SLC38A4: variants seen among roughly 807,000 people sequenced by gnomAD.
SLC38A4 encodes the protein solute carrier family 38 member 4.
In SLC38A4, 20 loss-of-function variants were observed where a neutral mutation model predicts 63.1. That is an observed-to-expected ratio of 0.32 (90% CI 0.22 to 0.46). The LOEUF (loss-of-function observed/expected upper bound fraction) is 0.46. Among genes scored for constraint, SLC38A4 ranks in the 20% least tolerant of loss-of-function variants. The pLI, the probability that SLC38A4 is intolerant of heterozygous loss-of-function variation, is 1.00. For missense variants in SLC38A4, 526 were observed against 663.6 expected, an observed-to-expected ratio of 0.79 and a Z score of 2.28; for synonymous variants, 230 against 225.5, an observed-to-expected ratio of 1.02 and a Z score of -0.18.
rs1028083482 is a variant in SLC38A4 at position 46,812,280 on chromosome 12, G to A, written c.-304-8486C>T. Among the ~76,000 whole-genome samples the A allele has an allele frequency of 2.6e-5, 4 of 152,116 alleles. No homozygotes were observed. The South Asian group carries it at 6.2e-4, about 24-fold the overall frequency. On this transcript the variant is annotated intron_variant, in intron 1 of 16. Coordinates refer to ENST00000266579, the MANE Select transcript of SLC38A4 (RefSeq NM_018018.5). ...TTTCTTTCTCTTTAAATTAAAGGCT[G>A]ATGGCATTTCCTTTGATGTTTGCTT...
rs577373428 is a variant in SLC38A4 at position 46,818,073 on chromosome 12, A to G, written c.-305+7830T>C. ...TTGTAAAAGTTTGCTTTTGACTTTC[A>G]TCTTGGGAAAATAAGACCTGCATGT... is the stretch of plus-strand genomic sequence containing the variant. On this transcript the variant is annotated intron_variant, in intron 1 of 16. Transcript: ENST00000266579. 1.4e-4 allele frequency among the ~76,000 whole-genome samples: 22 copies of G among 152,036 alleles called. No homozygotes were observed. The South Asian group carries it at 4.3e-3, about 30-fold the overall frequency.
chr12:46,774,540 T>C (rs944069109), intron 14 of SLC38A4, among the ~76,000 whole-genome samples: 3 of 152,078 alleles, frequency 2.0e-5, no homozygotes, highest in Admixed American at 1.3e-4. Flanking sequence ...TAACTGTTTT[T>C]TGAAAAATTT....
intron 1 of SLC38A4, among the ~76,000 whole-genome samples, chr12:46,810,781 C>T (rs1457627651): frequency 6.6e-6 from 1 of 151,866 alleles, no homozygotes; most frequent in African/African-American, 2.4e-5. Flanking sequence ...CAAAGAGTTC[C>T]TATCTTAGGT....
intron 1 of SLC38A4, among the ~76,000 whole-genome samples, chr12:46,809,893 T>A (rs1030936880): frequency 6.6e-6 from 1 of 152,034 alleles, no homozygotes; most frequent in Non-Finnish European, 1.5e-5. Context: ...TTACCTTGAT[T>A]AATATTAGAC....
At chr12:46,830,500 A>G (rs1443306717), upstream of SLC38A4, among the ~76,000 whole-genome samples, 2 of 152,136 alleles carry the variant, frequency 1.3e-5, no homozygotes, top group African/African-American at 4.8e-5. Context: ...AACATAACAC[A>G]TTTTAGCCCT....
chr12:46,827,614 A>G (rs1452493676), upstream of SLC38A4, among the ~76,000 whole-genome samples: 1 of 152,206 alleles, frequency 6.6e-6, no homozygotes, highest in Admixed American at 6.5e-5. Flanking sequence ...CTAAAATGAA[A>G]AATATAGCCA....
intron 1 of SLC38A4, among the ~76,000 whole-genome samples, chr12:46,814,523 C>A (rs924883248): frequency 6.6e-6 from 1 of 151,800 alleles, no homozygotes; most frequent in Non-Finnish European, 1.5e-5. Context: ...AACATGAAGA[C>A]CCAAAGATGT....
At chr12:46,803,962 G>T (rs1939181461) in intron 1 of SLC38A4, among the ~76,000 whole-genome samples, 168 bp from the exon 2 acceptor site, 1 of 152,010 alleles carries the variant, frequency 6.6e-6, no homozygotes, top group Non-Finnish European at 1.5e-5. Context: ...GATTTTACTA[G>T]GTTGGTTGAC....
chr12:46,766,727 C>T lies in SLC38A4; in HGVS notation c.1618G>A (p.Asp540Asn). ...MALIIIDWIY[D>N]PPNSKHH ...TAGTGATGCTTGGAATTTGGAGGAT[C>T]ATAAATCCAGTCAATTATAATGAGT... The change falls in exon 17 of 17, where the codon GAT (aspartate) becomes AAT (asparagine). Residue 540 changes from aspartate to asparagine, a missense_variant. Transcript: ENST00000266579. The T allele has an allele frequency of 1.2e-6, 2 of 1,611,360 alleles. No individual in the cohort carries two copies. The highest frequency in any genetic ancestry group is 1.7e-6 in the Non-Finnish European group (2 of 1,178,280).
chr12:46,779,184 C>A (rs1261741573), intron 10 of SLC38A4, among the ~76,000 whole-genome samples: 3 of 151,834 alleles, frequency 2.0e-5, no homozygotes, highest in African/African-American at 7.3e-5. Context: ...TTGTCAGGGG[C>A]CTAGAGAGGA....
At chr12:46,773,523 T>A (rs983395124) in intron 14 of SLC38A4, among the ~76,000 whole-genome samples, 1 of 152,136 alleles carries the variant, frequency 6.6e-6, no homozygotes, top group Non-Finnish European at 1.5e-5. Context: ...CAATTTTGGT[T>A]CTAATGGCAT....
intron 7 of SLC38A4, among the ~76,000 whole-genome samples, chr12:46,780,303 C>A (rs1938613227): frequency 6.6e-6 from 1 of 151,950 alleles, no homozygotes; most frequent in Non-Finnish European, 1.5e-5. Flanking sequence ...TAAGGTTCTG[C>A]CCTCATTAGT....
chr12:46,785,156 T>A lies in SLC38A4; in HGVS notation c.348A>T (p.Ala116=), dbSNP rs143272002. 1.2e-6 allele frequency: 2 copies of A among 1,612,756 alleles called. No individual in the cohort carries two copies. Among genetic ancestry groups the A allele is most frequent in the Non-Finnish European group, 1.7e-6 (2 of 1,179,126 alleles). The change falls in exon 6 of 17, where the codon GCA becomes GCT. Residue 116 remains alanine, a synonymous_variant. Transcript: ENST00000266579. Reference sequence around the variant, plus strand: ...GGTGAACTGAATACAGTGATAATATTGCCACAGCAAGCAGCATGATTCTGC... The same window carrying A: ...GGTGAACTGAATACAGTGATAATATAGCCACAGCAAGCAGCATGATTCTGC... ...ILFIIMLLAV[A]ILSLYSVHLL...
chr12:46,815,512 A>G (rs541623094), intron 1 of SLC38A4, among the ~76,000 whole-genome samples: 1 of 151,776 alleles, frequency 6.6e-6, no homozygotes, highest in East Asian at 1.9e-4. Context: ...CTTCAATGAG[A>G]TAATTTACAA....
chr12:46,785,037 G>A, intron 6 of SLC38A4, 67 bp downstream of exon 6: 1 of 1,244,034 alleles, frequency 8.0e-7, no homozygotes, highest in Non-Finnish European at 1.2e-6. Flanking sequence ...AGGTTATGAA[G>A]CAACAGACTG....
chr12:46,787,838 A>G, intron 5 of SLC38A4, 78 bp downstream of exon 5: 1 of 1,033,454 alleles, frequency 9.7e-7, no homozygotes, highest in Non-Finnish European at 1.4e-6. Flanking sequence ...CAAAGATCAA[A>G]CTTGAGATTG....
At chr12:46,808,159 T>G (rs1418719487) in intron 1 of SLC38A4, among the ~76,000 whole-genome samples, 1 of 151,974 alleles carries the variant, frequency 6.6e-6, no homozygotes, top group African/African-American at 2.4e-5. Flanking sequence ...TTAGGATCAT[T>G]TGATGATACC....
At position 46,783,097 on chromosome 12, in the gene SLC38A4, A is replaced by C. The variant is rs528302108; in HGVS notation, c.493+1445T>G. Among the ~76,000 whole-genome samples, 16 of 143,064 alleles carry C rather than the reference A, an allele frequency of 1.1e-4. No homozygotes were observed. The South Asian group carries it at 3.1e-3, about 28-fold the overall frequency. 93.9% of individuals were successfully genotyped at this position (143,064 alleles called of 152,430 possible). A position where few individuals can be genotyped will look rare whatever the true frequency, so the allele number is the denominator to read the frequency against. ...ACTTTGAGAGACAGTCAAGGGGAGA[A>C]AGTAGCCTGTGAAAAGAAGGCATGG... On this transcript the variant is annotated intron_variant, in intron 7 of 16. Transcript: ENST00000266579.
At chr12:46,784,773 C>T in intron 6 of SLC38A4, 139 bp from the exon 7 acceptor site, 1 of 648,698 alleles carries the variant, frequency 1.5e-6, no homozygotes, top group South Asian at 2.2e-5. Flanking sequence ...GATGCAACCT[C>T]AAAAACCAAT....
Sources: gnomAD v4.1 joint callset for allele counts (sites outside exome capture counted in the v4.1 genomes callset) on GRCh38, gnomAD v4.1.1 for gene constraint, MANE v1.5 for transcripts, NCBI Gene and HGNC (gene_info 2026-07-23, HGNC 2026-07-21) for gene names.